The following NDUFB2 variants were observed in gnomAD, a reference collection of about 807,000 sequenced individuals.
The protein encoded by NDUFB2 is NADH dehydrogenase [ubiquinone] 1 beta subcomplex subunit 2, mitochondrial.
In NDUFB2, 13 loss-of-function variants were observed where a neutral mutation model predicts 13.4. That is an observed-to-expected ratio of 0.97 (90% CI 0.63 to 1.54). The LOEUF (loss-of-function observed/expected upper bound fraction) is 1.54. NDUFB2 is among the 40% of genes most tolerant of loss of function. The pLI is 0.00. For synonymous variants in NDUFB2, 47 were observed against 50.6 expected (o/e 0.93, Z 0.30); for missense variants, 150 against 139.7 (o/e 1.07, Z -0.37).
intron 2 of NDUFB2, among the ~76,000 whole-genome samples, chr7:140,703,600 A>G (rs1431410160): frequency 1.3e-5 from 2 of 151,670 alleles, no homozygotes; most frequent in East Asian, 3.9e-4. Flanking sequence ...TACCTTCTGA[A>G]CTAGCGGTTC....
At chr7:140,703,391 C>T (rs1794925001) in intron 2 of NDUFB2, among the ~76,000 whole-genome samples, 1 of 151,254 alleles carries the variant, frequency 6.6e-6, no homozygotes, top group Non-Finnish European at 1.5e-5. Context: ...TCTGGTGCCT[C>T]AGTCCCTTGA....
At chr7:140,706,048 GTTATGTTATGTT>G (rs1477634960) in intron 3 of NDUFB2, 1 of 124,500 alleles carries the variant, frequency 8.0e-6, no homozygotes, top group Non-Finnish European at 1.7e-5. Flanking sequence ...GTTATGTTAT[GTTATGTTATGTT>G]TTATGTTATG....
At chr7:140,698,248 G>A in intron 1 of NDUFB2, 5 of 1,351,690 alleles carry the variant, frequency 3.7e-6, no homozygotes, top group Non-Finnish European at 4.9e-6. Flanking sequence ...AGGAGATGGG[G>A]GAATGCCGAT....
chr7:140,702,671 G>C, intron 1 of NDUFB2, 195 bp from the exon 2 acceptor site: 2 of 562,682 alleles, frequency 3.6e-6, no homozygotes, highest in Non-Finnish European at 3.0e-6. Context: ...TGTCAGTTTT[G>C]GTCAGTTTTT....
At chr7:140,703,192 T>G (rs924838597) in intron 2 of NDUFB2, among the ~76,000 whole-genome samples, 182 bp downstream of exon 2, 1 of 152,176 alleles carries the variant, frequency 6.6e-6, no homozygotes, top group Admixed American at 6.6e-5. Context: ...TTCTCACCTT[T>G]TTTTACACGA....
intron 1 of NDUFB2, chr7:140,697,942 C>A: frequency 8.0e-7 from 1 of 1,243,312 alleles, no homozygotes; most frequent in Non-Finnish European, 1.0e-6. Context: ...TCAAGTGATT[C>A]TCCAGCCTCG....
rs369563426 is a variant in NDUFB2 at position 140,702,252 on chromosome 7, G to A, written c.99-614G>A. On this transcript the variant is annotated intron_variant, in intron 1 of 3. Coordinates refer to ENST00000247866, the MANE Select transcript of NDUFB2 (RefSeq NM_004546.3). ...GCAAATAATTTAAATTAGATGCAAC[G>A]TATAATATTTATACTCCAACTGAAT... is the stretch of plus-strand genomic sequence containing the variant. Among the ~76,000 whole-genome samples the A allele has an allele frequency of 1.7e-3, 261 of 152,242 alleles. 1 individual carries two copies. The South Asian group carries it at 0.022, about 13-fold the overall frequency.
rs11552186 is a variant in NDUFB2, at chr7:140,702,885, A to G, written c.118A>G (p.Ile40Val). ...TTGCAGTGCCGGTGGTGGTGTGCACATTGAGCCCCGGTATAGACAGTTCCC... is the reference window on the plus strand; with the variant it reads ...TTGCAGTGCCGGTGGTGGTGTGCACGTTGAGCCCCGGTATAGACAGTTCCC... ...GVRHAGGGVHIEPRYRQFPQL... is the reference protein window; with the variant it reads ...GVRHAGGGVHVEPRYRQFPQL... The change falls in exon 2 of 4, where the codon ATT (isoleucine) becomes GTT (valine). Residue 40 changes from isoleucine (I) to valine (V), a missense_variant. By Grantham distance (29) the Ile-to-Val change is conservative. Coordinates refer to ENST00000247866, the MANE Select transcript of NDUFB2 (RefSeq NM_004546.3). 4 of 1,614,078 alleles carry G rather than the reference A, an allele frequency of 2.5e-6. No homozygotes were observed. The highest frequency in any genetic ancestry group is 2.5e-6 in the Non-Finnish European group (3 of 1,180,032).
intron 1 of NDUFB2, among the ~76,000 whole-genome samples, chr7:140,698,704 G>T (rs558823045): frequency 6.6e-6 from 1 of 152,262 alleles, no homozygotes; most frequent in African/African-American, 2.4e-5. Context: ...CCAGGCTGGA[G>T]TGGAGCGTAG....
intron 1 of NDUFB2, chr7:140,698,139 A>G: frequency 1.5e-6 from 2 of 1,351,906 alleles, no homozygotes; most frequent in South Asian, 1.1e-5. Flanking sequence ...AAGAATCTGG[A>G]GCTGGGGCAG....
At chr7:140,705,040 G>A in intron 3 of NDUFB2, 77 bp downstream of exon 3, 2 of 753,532 alleles carry the variant, frequency 2.7e-6, no homozygotes, top group Non-Finnish European at 4.0e-6. Context: ...TGCCTATGAT[G>A]GACTTGAAAA....
intron 3 of NDUFB2, 61 bp downstream of exon 3, chr7:140,705,024 A>G: frequency 1.1e-6 from 1 of 930,462 alleles, no homozygotes; most frequent in Non-Finnish European, 1.6e-6. Context: ...ATTAGTTTTT[A>G]CTTTGTGCCT....
chr7:140,704,387 C>T (rs986582830), intron 2 of NDUFB2, among the ~76,000 whole-genome samples: 15 of 152,070 alleles, frequency 9.9e-5, no homozygotes, highest in Non-Finnish European at 1.8e-4. Flanking sequence ...GTCAGCTGTC[C>T]GGAGTATGTA....
At chr7:140,705,013 C>A in intron 3 of NDUFB2, 50 bp downstream of exon 3, 1 of 1,052,670 alleles carries the variant, frequency 9.5e-7, no homozygotes, top group Non-Finnish European at 1.3e-6. Flanking sequence ...TTTTCATAAA[C>A]ATTAGTTTTT....
chr7:140,698,362 T>C, intron 1 of NDUFB2: 1 of 1,301,944 alleles, frequency 7.7e-7, no homozygotes, highest in Non-Finnish European at 1.0e-6. Flanking sequence ...GCTGCTCCTT[T>C]CTAGGTGCTG....
intron 1 of NDUFB2, chr7:140,697,158 G>A (rs1232247120): frequency 1.3e-5 from 8 of 596,948 alleles, no homozygotes; most frequent in Non-Finnish European, 2.4e-5. Context: ...GGGCGGTCCA[G>A]GCGGAGGAAG....
chr7:140,700,753 A>G (rs1794885931), intron 1 of NDUFB2: 1 of 150,816 alleles, frequency 6.6e-6, no homozygotes, highest in African/African-American at 2.4e-5. Flanking sequence ...GTGTCACTGC[A>G]CTCCAGCCTG....
rs376762387 is a variant in NDUFB2 at position 140,704,948 on chromosome 7, G to A, written c.*14G>A. On this transcript the variant is annotated 3_prime_UTR_variant, in exon 3 of 4. Coordinates refer to ENST00000247866, the MANE Select transcript of NDUFB2 (RefSeq NM_004546.3). ...GATGAAGACTGAAGGTGTAGACTCA[G>A]CCTCACTCTGTACAAGTGGGTGTGC... 6.4e-6 allele frequency: 10 copies of A among 1,556,754 alleles called. No homozygotes were observed. In the African/African-American group the frequency reaches 1.2e-4, roughly 19 times the overall value.
At chr7:140,702,629 T>C in intron 1 of NDUFB2, 1 of 450,644 alleles carries the variant, frequency 2.2e-6, no homozygotes. Context: ...AAATAATGAA[T>C]CTTCACTAAT....
Sources: gnomAD v4.1 joint callset for allele counts (sites outside exome capture counted in the v4.1 genomes callset) on GRCh38, gnomAD v4.1.1 for gene constraint, MANE v1.5 for transcripts, NCBI Gene and HGNC (gene_info 2026-07-23, HGNC 2026-07-21) for gene names.